The following ZDHHC15 variants were observed in gnomAD, a reference collection of about 807,000 sequenced individuals.
ZDHHC15 encodes the protein palmitoyltransferase ZDHHC15.
In ZDHHC15, 19 loss-of-function variants were observed where a neutral mutation model predicts 31.7. That is an observed-to-expected ratio of 0.60 (90% CI 0.42 to 0.88). ZDHHC15 has a LOEUF of 0.88. Among genes scored for constraint, ZDHHC15 ranks in the 40% least tolerant of loss-of-function variants. ZDHHC15 has a pLI of 0.00. For synonymous variants in ZDHHC15, 103 were observed against 90.0 expected, an observed-to-expected ratio of 1.14 and a Z score of -0.82; for missense variants, 209 against 251.2, an observed-to-expected ratio of 0.83 and a Z score of 1.14.
chrX:75,494,706 G>T (rs1191651095), intron 2 of ZDHHC15, among the ~76,000 whole-genome samples: 1 of 112,323 alleles, frequency 8.9e-6, no homozygotes, highest in Admixed American at 9.4e-5. Context: ...TTAATAAATG[G>T]TGCTGGGAAA....
At chrX:75,500,267 A>AAATAAT (rs756181632) in intron 2 of ZDHHC15, among the ~76,000 whole-genome samples, 12 of 108,935 alleles carry the variant, frequency 1.1e-4, no homozygotes, top group Admixed American at 9.1e-4. Flanking sequence ...AAAACTATTG[A>AAATAAT]AATAATAATA....
In ZDHHC15 at chrX:75,514,243, T is replaced by A. The variant is rs182503389; in HGVS notation, c.137-8396A>T. On this transcript the variant is annotated intron_variant, in intron 1 of 11. Transcript: ENST00000373367. ...GTAATATTGAGTTTTACGTTTTTTTTAACTCTTTTTACTATCTAATTTAAA... is the reference window on the plus strand; with the variant it reads ...GTAATATTGAGTTTTACGTTTTTTTAAACTCTTTTTACTATCTAATTTAAA... Among the ~76,000 whole-genome samples the A allele has an allele frequency of 2.7e-5, 3 of 112,818 alleles. No individual in the cohort carries two copies. The East Asian group carries it at 8.3e-4, about 31-fold the overall frequency.
intron 2 of ZDHHC15, among the ~76,000 whole-genome samples, chrX:75,487,267 C>T (rs961214800): frequency 9.8e-5 from 11 of 112,382 alleles, no homozygotes; most frequent in African/African-American, 3.6e-4. Flanking sequence ...AGGACTTCCA[C>T]AGAGTCCACT....
intron 9 of ZDHHC15, among the ~76,000 whole-genome samples, chrX:75,420,157 C>A (rs2083605978): frequency 9.0e-6 from 1 of 111,030 alleles, no homozygotes; most frequent in South Asian, 3.9e-4. Context: ...TATGAACAGA[C>A]ACTTCCCAAA....
At chrX:75,480,447 G>T (rs966096411) in intron 2 of ZDHHC15, among the ~76,000 whole-genome samples, 1 of 110,745 alleles carries the variant, frequency 9.0e-6, no homozygotes, top group African/African-American at 3.3e-5. Context: ...ATTTTTAATT[G>T]TATCTCTTTT....
chrX:75,417,380 T>G (rs931551068), intron 9 of ZDHHC15, among the ~76,000 whole-genome samples, 190 bp from the exon 10 acceptor site: 4 of 112,161 alleles, frequency 3.6e-5, no homozygotes, highest in Non-Finnish European at 7.5e-5. Flanking sequence ...ATCTTATTTG[T>G]GTGTCTGCAT....
intron 3 of ZDHHC15, among the ~76,000 whole-genome samples, chrX:75,452,005 T>C (rs893851443): frequency 9.0e-6 from 1 of 111,098 alleles, no homozygotes; most frequent in Admixed American, 9.6e-5. Context: ...AACATCATAA[T>C]GACAGGATCA....
In ZDHHC15 at chrX:75,428,686, G is replaced by T. The variant is rs752234180; in HGVS notation, c.603+392C>A. Reference sequence around the variant, plus strand: ...TTAGGAAGTATTTTCTAACAACAGGGGAGTGATTTGTTAGCCTTTTTCTTA... The same window carrying T: ...TTAGGAAGTATTTTCTAACAACAGGTGAGTGATTTGTTAGCCTTTTTCTTA... On this transcript the variant is annotated intron_variant, in intron 7 of 11. Coordinates refer to ENST00000373367, the MANE Select transcript of ZDHHC15 (RefSeq NM_144969.3). 6.7e-4 allele frequency among the ~76,000 whole-genome samples: 75 copies of T among 111,925 alleles called. 2 individuals carry two copies. The Admixed American group carries it at 7.2e-3, about 11-fold the overall frequency.
At chrX:75,480,131 T>C (rs1424135979) in intron 2 of ZDHHC15, among the ~76,000 whole-genome samples, 1 of 110,807 alleles carries the variant, frequency 9.0e-6, no homozygotes, top group Non-Finnish European at 1.9e-5. Context: ...GAGCCTCTCA[T>C]ACATTTATAA....
intron 1 of ZDHHC15, among the ~76,000 whole-genome samples, chrX:75,521,290 T>G (rs1477080465): frequency 9.0e-6 from 1 of 111,020 alleles, no homozygotes; most frequent in East Asian, 2.8e-4. Context: ...CAAGTATTAG[T>G]GGAATCTCTT....
At chrX:75,413,717 A>C (rs968930622) in intron 10 of ZDHHC15, among the ~76,000 whole-genome samples, 16 of 111,230 alleles carry the variant, frequency 1.4e-4, no homozygotes, top group East Asian at 5.7e-4. Flanking sequence ...ACAAAAAAAA[A>C]CACAGAACAT....
At chrX:75,494,606 C>T (rs1602730476) in intron 2 of ZDHHC15, among the ~76,000 whole-genome samples, 2 of 111,629 alleles carry the variant, frequency 1.8e-5, no homozygotes, top group African/African-American at 6.5e-5. Flanking sequence ...TGGAACAGAA[C>T]AGAGCCCTCA....
chrX:75,407,619 C>T (rs901523792), intron 10 of ZDHHC15, among the ~76,000 whole-genome samples: 2 of 109,908 alleles, frequency 1.8e-5, no homozygotes, highest in African/African-American at 6.6e-5. Context: ...CAGCAGCCGC[C>T]CCGTCTGGGA....
chrX:75,513,538 C>T (rs950474419), intron 1 of ZDHHC15, among the ~76,000 whole-genome samples: 2 of 111,290 alleles, frequency 1.8e-5, no homozygotes, highest in Admixed American at 9.6e-5. Flanking sequence ...CCTCCACATC[C>T]CAGATCAGTA....
intron 2 of ZDHHC15, among the ~76,000 whole-genome samples, chrX:75,497,529 A>T (rs2085020679): frequency 9.0e-6 from 1 of 111,465 alleles, no homozygotes. Flanking sequence ...TAACAAAAAA[A>T]GAAAACTACA....
chrX:75,397,820 C>T (rs746364775), intron 10 of ZDHHC15, among the ~76,000 whole-genome samples: 2 of 111,741 alleles, frequency 1.8e-5, no homozygotes, highest in East Asian at 5.7e-4. Context: ...CCTCCTCCAC[C>T]CAGGGAAGCC....
At chrX:75,502,705 T>C (rs2085106356) in intron 2 of ZDHHC15, among the ~76,000 whole-genome samples, 1 of 110,962 alleles carries the variant, frequency 9.0e-6, no homozygotes, top group South Asian at 3.8e-4. Flanking sequence ...CCCTGGACTC[T>C]ACTAAATCCC....
At chrX:75,441,997 C>T (rs1001157358) in intron 4 of ZDHHC15, among the ~76,000 whole-genome samples, 3 of 111,546 alleles carry the variant, frequency 2.7e-5, no homozygotes, top group Non-Finnish European at 3.8e-5. Flanking sequence ...CAAGTGGGAG[C>T]GGCAAGTTAG....
chrX:75,443,544 G>A lies in ZDHHC15; in HGVS notation c.379+7258C>T, dbSNP rs184379958. Among the ~76,000 whole-genome samples the A allele has an allele frequency of 3.1e-4, 35 of 111,963 alleles. No homozygotes were observed. In the East Asian group the frequency reaches 8.7e-3, roughly 28 times the overall value. On this transcript the variant is annotated intron_variant, in intron 4 of 11. Transcript: ENST00000373367. ...AAGAAAACCTAGGCAATAACATTCA[G>A]GACATAGGCATGGTCAAAGACCTCA... is the stretch of plus-strand genomic sequence containing the variant.
Sources: allele counts gnomAD v4.1 joint callset (sites outside exome capture counted in the v4.1 genomes callset), GRCh38; gene constraint gnomAD v4.1.1; transcripts MANE v1.5; gene names NCBI Gene and HGNC (gene_info 2026-07-23, HGNC 2026-07-21).